Variants in SSPN observed in about 807,000 individuals in gnomAD.
SSPN encodes the protein sarcospan, also known as K-ras oncogene-associated protein.
Under a neutral mutation model 19.1 loss-of-function variants are expected in SSPN, and 15 were observed. That is an observed-to-expected ratio of 0.78 (90% CI 0.52 to 1.21). SSPN has a LOEUF of 1.21. SSPN is among the 50% of genes most tolerant of loss of function. The pLI is 0.00. For missense variants in SSPN, 291 were observed against 314.0 expected, an observed-to-expected ratio of 0.93 and a Z score of 0.55; for synonymous variants, 147 against 140.3, an observed-to-expected ratio of 1.05 and a Z score of -0.34.
chr12:26,123,563 C>G, intron 1 of SSPN: 1 of 1,124,486 alleles, frequency 8.9e-7, no homozygotes, highest in Non-Finnish European at 1.4e-6. Flanking sequence ...TGAGGGAGTC[C>G]TGACACTGCT....
chr12:26,133,783 CCT>C (rs1465488522), intron 1 of SSPN, among the ~76,000 whole-genome samples: 87 of 152,176 alleles, frequency 5.7e-4, no homozygotes, highest in African/African-American at 2.1e-3. Flanking sequence ...TGCACAAGGG[CCT>C]CTCAAAGGCA....
intron 1 of SSPN, among the ~76,000 whole-genome samples, chr12:26,222,436 G>C (rs190575666): frequency 6.6e-6 from 1 of 152,168 alleles, no homozygotes; most frequent in Non-Finnish European, 1.5e-5. Flanking sequence ...ACCCTAACAG[G>C]GTTTGAAGCT....
At chr12:26,216,980 T>A (rs1218248853) in intron 1 of SSPN, among the ~76,000 whole-genome samples, 410 of 111,104 alleles carry the variant, frequency 3.7e-3, no homozygotes, top group East Asian at 0.017. Flanking sequence ...TACTGTAGCC[T>A]TGTAGTATAG....
At chr12:26,215,894 G>C (rs1468333486) in intron 1 of SSPN, among the ~76,000 whole-genome samples, 2 of 152,158 alleles carry the variant, frequency 1.3e-5, no homozygotes, top group Non-Finnish European at 2.9e-5. Context: ...TTTCTTTATG[G>C]GGAAACAAAT....
intron 1 of SSPN, among the ~76,000 whole-genome samples, chr12:26,162,989 C>T (rs1264213347): frequency 6.6e-6 from 1 of 150,754 alleles, no homozygotes; most frequent in African/African-American, 2.5e-5. Context: ...GAGGATTAGG[C>T]AGATTCAAAC....
intron 2 of SSPN, 91 bp downstream of exon 2, chr12:26,224,470 C>A: frequency 1.8e-6 from 2 of 1,104,938 alleles, no homozygotes; most frequent in Non-Finnish European, 2.7e-6. Flanking sequence ...GGTTGCATAT[C>A]TGATTAGTCT....
At chr12:26,201,392 A>C (rs989300887) in intron 1 of SSPN, among the ~76,000 whole-genome samples, 1 of 151,854 alleles carries the variant, frequency 6.6e-6, no homozygotes, top group African/African-American at 2.4e-5. Context: ...AAAAAAAAAA[A>C]GAATTTGGCG....
intron 1 of SSPN, among the ~76,000 whole-genome samples, chr12:26,174,507 T>TCCTTCCTTCCTTCCTTCCTTCCTTCCCTC (rs1555177713): frequency 8.6e-6 from 1 of 116,750 alleles, no homozygotes; most frequent in African/African-American, 4.1e-5. Context: ...TTCCTTCCCT[T>TCCTTCCTTCCTTCCTTCCTTCCTTCCCTC]CCTTCCTTCC....
intron 2 of SSPN, among the ~76,000 whole-genome samples, chr12:26,228,661 C>T (rs1408622602): frequency 1.3e-5 from 2 of 151,868 alleles, no homozygotes; most frequent in Non-Finnish European, 2.9e-5. Flanking sequence ...GGTACACACA[C>T]ACACACACAC....
At chr12:26,218,249 T>G (rs1234990850) in intron 1 of SSPN, among the ~76,000 whole-genome samples, 1 of 116,850 alleles carries the variant, frequency 8.6e-6, no homozygotes, top group Non-Finnish European at 1.8e-5. Flanking sequence ...TTCTCACTCA[T>G]AGGTGGGAAT....
intron 1 of SSPN, chr12:26,125,122 C>T (rs1425390667): frequency 1.1e-5 from 3 of 264,636 alleles, no homozygotes; most frequent in Non-Finnish European, 2.2e-5. Context: ...CGGAGGGGGG[C>T]GGGGGAGGAG....
intron 1 of SSPN, among the ~76,000 whole-genome samples, chr12:26,210,071 A>G (rs1040058389): frequency 6.6e-6 from 1 of 152,054 alleles, no homozygotes; most frequent in African/African-American, 2.4e-5. Context: ...AAGCATACAC[A>G]AGAGTAGATA....
intron 1 of SSPN, among the ~76,000 whole-genome samples, chr12:26,166,387 C>T (rs1304316115): frequency 7.2e-5 from 11 of 152,152 alleles, no homozygotes; most frequent in East Asian, 1.9e-4. Flanking sequence ...AATGCCTGAA[C>T]TCGGAAATGT....
chr12:26,186,353 A>G (rs971155319), intron 1 of SSPN, among the ~76,000 whole-genome samples: 2 of 152,238 alleles, frequency 1.3e-5, no homozygotes, highest in African/African-American at 4.8e-5. Context: ...TCCAGGTATA[A>G]TTAAATAGTT....
intron 1 of SSPN, chr12:26,124,712 C>A (rs1944347705): frequency 1.2e-6 from 2 of 1,614,026 alleles, no homozygotes; most frequent in Non-Finnish European, 1.7e-6. Flanking sequence ...GGTGCGTGCA[C>A]CTTACCCTAT....
At chr12:26,144,118 C>T (rs1007720863) in intron 1 of SSPN, among the ~76,000 whole-genome samples, 10 of 152,106 alleles carry the variant, frequency 6.6e-5, no homozygotes, top group Admixed American at 6.5e-4. Context: ...TTGAATCATC[C>T]TGAAACCATC....
In SSPN at chr12:26,231,605, A is replaced by C. The variant is rs1002007693; in HGVS notation, c.*529A>C. The C allele has an allele frequency of 6.5e-6, 1 of 153,074 alleles. No homozygotes were observed. Among genetic ancestry groups the C allele is most frequent in the Non-Finnish European group, 1.5e-5 (1 of 68,756 alleles). The allele number at this position is 153,074 out of a possible 1,614,324, so 9.5% of individuals were successfully genotyped here. A position where few individuals can be genotyped will look rare whatever the true frequency, so the allele number is the denominator to read the frequency against. The stretch of plus-strand genomic sequence containing the variant: ...ACATCTTCAAGGCATGAAATAGCTT[A>C]AAGAGCAGAGTAGAAACGGAAGAGG... On this transcript the variant is annotated 3_prime_UTR_variant, in exon 3 of 3. Coordinates refer to ENST00000242729, the MANE Select transcript of SSPN (RefSeq NM_005086.5).
intron 1 of SSPN, among the ~76,000 whole-genome samples, chr12:26,207,816 C>T (rs1440175543): frequency 6.6e-6 from 1 of 152,096 alleles, no homozygotes; most frequent in Non-Finnish European, 1.5e-5. Flanking sequence ...CATGGCAAAA[C>T]CCCGTCTCTA....
intron 1 of SSPN, among the ~76,000 whole-genome samples, chr12:26,136,214 G>T (rs920581368): frequency 1.3e-5 from 2 of 152,158 alleles, no homozygotes; most frequent in Non-Finnish European, 2.9e-5. Flanking sequence ...ATGTGTAAAA[G>T]ACTATGCCAT....
Sources: gnomAD v4.1 joint callset for allele counts (sites outside exome capture counted in the v4.1 genomes callset) on GRCh38, gnomAD v4.1.1 for gene constraint, MANE v1.5 for transcripts, NCBI Gene and HGNC (gene_info 2026-07-23, HGNC 2026-07-21) for gene names.